Variants in PTPRG observed in about 807,000 individuals in gnomAD.
The protein encoded by PTPRG is receptor-type tyrosine-protein phosphatase gamma.
A neutral mutation model predicts 165.3 loss-of-function variants in PTPRG; 102 were observed. The observed-to-expected ratio is 0.62, with a 90% CI of 0.53 to 0.73. PTPRG has a LOEUF of 0.73. Among genes scored for constraint, PTPRG ranks in the 30% least tolerant of loss-of-function variants. PTPRG has a pLI of 0.00. For missense variants in PTPRG, 1,866 were observed against 1,861.4 expected, an observed-to-expected ratio of 1.00 and a Z score of -0.05; for synonymous variants, 675 against 669.5, an observed-to-expected ratio of 1.01 and a Z score of -0.13.
intron 8 of PTPRG, among the ~76,000 whole-genome samples, chr3:62,188,672 G>A (rs1453165141): frequency 6.6e-6 from 1 of 152,178 alleles, no homozygotes; most frequent in Non-Finnish European, 1.5e-5. Context: ...GGTTGCATCT[G>A]TATGTGGGTG....
intron 4 of PTPRG, among the ~76,000 whole-genome samples, chr3:62,056,463 A>G (rs1700638682): frequency 6.6e-6 from 1 of 152,112 alleles, no homozygotes; most frequent in South Asian, 2.1e-4. Context: ...ATTTTATGGT[A>G]GCCCAAGACA....
At chr3:62,089,911 A>G (rs1028335976) in intron 5 of PTPRG, among the ~76,000 whole-genome samples, 1 of 152,200 alleles carries the variant, frequency 6.6e-6, no homozygotes, top group Non-Finnish European at 1.5e-5. Context: ...AAGGCATTTT[A>G]TTAGACACAT....
intron 1 of PTPRG, among the ~76,000 whole-genome samples, chr3:61,604,896 C>G (rs930529223): frequency 2.6e-5 from 4 of 152,104 alleles, no homozygotes; most frequent in African/African-American, 9.7e-5. Flanking sequence ...CTGATTTGAT[C>G]TTCATGACAA....
chr3:61,765,549 A>G (rs975677492), intron 2 of PTPRG, among the ~76,000 whole-genome samples: 2 of 152,078 alleles, frequency 1.3e-5, no homozygotes, highest in African/African-American at 4.8e-5. Context: ...ATTTATAGTT[A>G]CCCAGTTGTG....
chr3:61,975,453 G>A (rs1415172801), intron 2 of PTPRG, among the ~76,000 whole-genome samples: 1 of 152,136 alleles, frequency 6.6e-6, no homozygotes, highest in Non-Finnish European at 1.5e-5. Context: ...TCTTGGAGGT[G>A]CTGTATGGGG....
chr3:62,045,450 C>T (rs752635056), intron 4 of PTPRG, among the ~76,000 whole-genome samples: 1 of 152,188 alleles, frequency 6.6e-6, no homozygotes, highest in Admixed American at 6.5e-5. Flanking sequence ...GTTTTCTCCT[C>T]GCTGTACATT....
chr3:62,104,802 T>G (rs1702416429), intron 5 of PTPRG, among the ~76,000 whole-genome samples: 2 of 152,236 alleles, frequency 1.3e-5, no homozygotes, highest in Admixed American at 1.3e-4. Flanking sequence ...CAAGGTCATA[T>G]GTCATCATAT....
rs974606411 is a variant in PTPRG, at chr3:61,562,197, G to C, written c.-91G>C. ...CGTGGAGCGGGCGAGCCGGGGAAGC[G>C]CCCCGGCTTAGCGGAGGCTCGCACG... On this transcript the variant is annotated 5_prime_UTR_variant, in exon 1 of 30. Coordinates refer to ENST00000474889, the MANE Select transcript of PTPRG (RefSeq NM_002841.4). 2 of 1,196,024 alleles carry C rather than the reference G, an allele frequency of 1.7e-6. No homozygotes were observed. The highest frequency in any genetic ancestry group is 3.5e-5 in the Admixed American group (2 of 56,666). 74.1% of individuals were successfully genotyped at this position (1,196,024 alleles called of 1,614,324 possible). A position where few individuals can be genotyped will look rare whatever the true frequency, so the allele number is the denominator to read the frequency against.
chr3:61,755,534 A>G (rs1370270592), intron 2 of PTPRG, among the ~76,000 whole-genome samples: 2 of 152,204 alleles, frequency 1.3e-5, no homozygotes, highest in Non-Finnish European at 2.9e-5. Flanking sequence ...TTCTTTACTT[A>G]TTTGTTTACC....
At chr3:61,691,703 T>A (rs1027406846) in intron 1 of PTPRG, among the ~76,000 whole-genome samples, 1 of 152,190 alleles carries the variant, frequency 6.6e-6, no homozygotes, top group Non-Finnish European at 1.5e-5. Flanking sequence ...TTGGAAAATA[T>A]CCCAGCAACG....
chr3:61,615,656 A>G (rs1701279072), intron 1 of PTPRG, among the ~76,000 whole-genome samples: 2 of 152,214 alleles, frequency 1.3e-5, no homozygotes, highest in Non-Finnish European at 2.9e-5. Context: ...GACTTAATCC[A>G]TAAATCCTCA....
chr3:61,717,135 G>A lies in PTPRG; in HGVS notation c.86-31743G>A, dbSNP rs1330011614. ...TTTCATGGATTCACGTGTTGTAAAA[G>A]ATTTTTATGTTTTTGAAGTCAAATA... On this transcript the variant is annotated intron_variant, in intron 1 of 29. Coordinates refer to ENST00000474889, the MANE Select transcript of PTPRG (RefSeq NM_002841.4). Among the ~76,000 whole-genome samples, 7 of 152,252 alleles carry A rather than the reference G, an allele frequency of 4.6e-5. No homozygotes were observed. In the East Asian group the frequency reaches 1.4e-3, roughly 29 times the overall value.
chr3:62,011,185 A>G (rs1422392076), intron 4 of PTPRG, among the ~76,000 whole-genome samples: 5 of 151,960 alleles, frequency 3.3e-5, no homozygotes, highest in African/African-American at 1.2e-4. Context: ...ATATTGATTT[A>G]TTTCCCTCCC....
In PTPRG at chr3:61,874,435, T is replaced by C. The variant is rs1340114264; in HGVS notation, c.191-115190T>C. 2.0e-5 allele frequency among the ~76,000 whole-genome samples: 3 copies of C among 152,352 alleles called. No individual in the cohort carries two copies. The East Asian group carries it at 5.8e-4, about 29-fold the overall frequency. ...ATAATTTCAAATTTGTGACTTCCAC[T>C]GGAATGGGGTACATTTTAAAGCAGA... On this transcript the variant is annotated intron_variant, in intron 2 of 29. Transcript: ENST00000474889.
chr3:62,098,180 C>T (rs1702178665), intron 5 of PTPRG, among the ~76,000 whole-genome samples: 1 of 151,866 alleles, frequency 6.6e-6, no homozygotes, highest in African/African-American at 2.4e-5. Context: ...ATCTTTAAGA[C>T]CAGTACAAGC....
intron 20 of PTPRG, among the ~76,000 whole-genome samples, chr3:62,269,919 T>C (rs779691442): frequency 4.3e-4 from 66 of 152,192 alleles, no homozygotes; most frequent in Non-Finnish European, 7.9e-4. Flanking sequence ...TATACATACA[T>C]ATCTATGATA....
At chr3:61,580,405 G>T (rs1319494300) in intron 1 of PTPRG, among the ~76,000 whole-genome samples, 12 of 140,548 alleles carry the variant, frequency 8.5e-5, no homozygotes, top group African/African-American at 3.1e-4. Context: ...TTTTTGAGAC[G>T]GAGTCTTGCT....
intron 2 of PTPRG, among the ~76,000 whole-genome samples, chr3:61,889,609 T>G (rs2038152121): frequency 6.6e-6 from 1 of 152,256 alleles, no homozygotes; most frequent in Non-Finnish European, 1.5e-5. Context: ...ATTTCTGGTT[T>G]GTATGCTTGA....
chr3:61,978,213 A>G (rs2040554266), intron 2 of PTPRG, among the ~76,000 whole-genome samples: 2 of 152,164 alleles, frequency 1.3e-5, no homozygotes, highest in African/African-American at 2.4e-5. Flanking sequence ...TTACTTTTGC[A>G]GTATGGATTG....
Sources: gnomAD v4.1 joint callset for allele counts (sites outside exome capture counted in the v4.1 genomes callset) on GRCh38, gnomAD v4.1.1 for gene constraint, MANE v1.5 for transcripts, NCBI Gene and HGNC (gene_info 2026-07-23, HGNC 2026-07-21) for gene names.